PAWR: variants seen among roughly 807,000 people sequenced by gnomAD.
The protein encoded by PAWR is pro-apoptotic WT1 regulator.
Under a neutral mutation model 32.0 loss-of-function variants are expected in PAWR, and 23 were observed. That is an observed-to-expected ratio of 0.72 (90% CI 0.52 to 1.02). The LOEUF (loss-of-function observed/expected upper bound fraction) is 1.02. PAWR is among the 50% of genes least tolerant of loss of function. The pLI, the probability that PAWR is intolerant of heterozygous loss-of-function variation, is 0.00. For missense variants in PAWR, 457 were observed against 437.7 expected (o/e 1.04, Z -0.39); for synonymous variants, 226 against 187.1 (o/e 1.21, Z -1.70).
chr12:79,659,297 G>GA (rs903561912), intron 2 of PAWR, among the ~76,000 whole-genome samples: 100 of 136,012 alleles, frequency 7.4e-4, no homozygotes, highest in Middle Eastern at 3.8e-3. Context: ...CAGTCTCAAA[G>GA]AAAAAAAAAA....
At chr12:79,599,235 G>A (rs1027190631) in intron 4 of PAWR, among the ~76,000 whole-genome samples, 1 of 152,112 alleles carries the variant, frequency 6.6e-6, no homozygotes, top group African/African-American at 2.4e-5. Context: ...GTACACCCTA[G>A]CATCTGATAA....
At chr12:79,683,203 T>C (rs979740224) in intron 2 of PAWR, among the ~76,000 whole-genome samples, 4 of 152,160 alleles carry the variant, frequency 2.6e-5, no homozygotes, top group Non-Finnish European at 4.4e-5. Flanking sequence ...CAGTTTTAAA[T>C]TGGAAGAAAA....
chr12:79,631,324 A>G (rs148396894), intron 2 of PAWR, among the ~76,000 whole-genome samples: 4 of 152,300 alleles, frequency 2.6e-5, no homozygotes, highest in African/African-American at 9.6e-5. Flanking sequence ...AGCCAGGACA[A>G]TAAGGTAAGC....
intron 4 of PAWR, among the ~76,000 whole-genome samples, chr12:79,607,646 C>G (rs950580652): frequency 1.3e-5 from 2 of 151,576 alleles, no homozygotes; most frequent in African/African-American, 4.8e-5. Context: ...GGAGGATCAC[C>G]TGAGCCAGGG....
At position 79,690,235 on chromosome 12, in the gene PAWR, C is replaced by A; in HGVS notation, c.10G>T (p.Gly4Cys). 1 of 1,514,048 alleles carries A rather than the reference C, an allele frequency of 6.6e-7. No individual in the cohort carries two copies. The highest frequency in any genetic ancestry group is 8.8e-7 in the Non-Finnish European group (1 of 1,135,912). The allele number at this position is 1,514,048 out of a possible 1,614,324, so 93.8% of individuals were successfully genotyped here. MAT[G>C]GYRTSSGLGG... ...AGGCCGCTGCTGGTCCGGTAGCCAC[C>A]GGTCGCCATATTCCCAAAGGGGCCG... Residue 4 changes from glycine to cysteine, a missense_variant, in exon 2 of 7, where the codon GGT becomes TGT. Physicochemically the swap from Gly to Cys is radical, Grantham distance 159. Coordinates refer to ENST00000328827, the MANE Select transcript of PAWR (RefSeq NM_002583.4).
chr12:79,659,186 A>G (rs1360727825), intron 2 of PAWR, among the ~76,000 whole-genome samples: 1 of 151,826 alleles, frequency 6.6e-6, no homozygotes, highest in Non-Finnish European at 1.5e-5. Flanking sequence ...AGTCCCAGCT[A>G]CTTGGGCTAA....
intron 6 of PAWR, among the ~76,000 whole-genome samples, chr12:79,593,238 T>C (rs1426168684): frequency 6.6e-6 from 1 of 152,194 alleles, no homozygotes; most frequent in Non-Finnish European, 1.5e-5. Context: ...ATCTGGAGTA[T>C]CTTGATCTGG....
intron 4 of PAWR, among the ~76,000 whole-genome samples, chr12:79,609,373 G>A (rs1874334720): frequency 1.3e-5 from 2 of 152,164 alleles, no homozygotes. Flanking sequence ...AAGTGATAGG[G>A]ACAGGAGGCA....
intron 3 of PAWR, among the ~76,000 whole-genome samples, chr12:79,614,420 T>C (rs1226183872): frequency 2.0e-5 from 3 of 152,246 alleles, no homozygotes; most frequent in South Asian, 2.1e-4. Flanking sequence ...AGACTACATA[T>C]ACAGCTAAAA....
At chr12:79,622,773 C>T (rs1174336770) in intron 2 of PAWR, among the ~76,000 whole-genome samples, 1 of 152,128 alleles carries the variant, frequency 6.6e-6, no homozygotes, top group Non-Finnish European at 1.5e-5. Flanking sequence ...AATTATGATA[C>T]TGTAGCTACT....
Position 79,596,556 on chromosome 12 carries a change from C to T in PAWR, c.786G>A (p.Leu262=). ...TCTTTTCCAGTGTGCTACTTGAAAC[C>T]AGAGTACCTGAAACATTTGCATCCC... ...YNRDANVSGT[L]VSSSTLEKKI... The change falls in exon 5 of 7, where the codon CTG becomes CTA. Residue 262 remains leucine, a synonymous_variant. Transcript: ENST00000328827. 1.3e-6 allele frequency: 2 copies of T among 1,597,372 alleles called. No individual in the cohort carries two copies. The highest frequency in any genetic ancestry group is 1.7e-6 in the Non-Finnish European group (2 of 1,167,236).
intron 4 of PAWR, among the ~76,000 whole-genome samples, chr12:79,606,111 T>G (rs968451512): frequency 6.6e-5 from 10 of 151,986 alleles, no homozygotes; most frequent in Non-Finnish European, 1.0e-4. Context: ...AAGAAAGCCA[T>G]ATACTATATG....
intron 2 of PAWR, among the ~76,000 whole-genome samples, chr12:79,627,094 G>T (rs1282079467): frequency 2.6e-5 from 4 of 152,026 alleles, no homozygotes; most frequent in African/African-American, 9.7e-5. Flanking sequence ...TAATCCTTTG[G>T]GTATATACCC....
intron 2 of PAWR, among the ~76,000 whole-genome samples, chr12:79,682,765 T>C (rs1878504220): frequency 6.6e-6 from 1 of 152,204 alleles, no homozygotes; most frequent in African/African-American, 2.4e-5. Context: ...TATAACACAT[T>C]TGCCTAAGAT....
chr12:79,642,269 A>G (rs751037342), intron 2 of PAWR, among the ~76,000 whole-genome samples: 2 of 152,242 alleles, frequency 1.3e-5, no homozygotes, highest in Non-Finnish European at 2.9e-5. Flanking sequence ...GGAAGAAATC[A>G]AAGACTTGAC....
intron 2 of PAWR, among the ~76,000 whole-genome samples, chr12:79,661,010 G>A: frequency 6.6e-6 from 1 of 151,408 alleles, no homozygotes; most frequent in Admixed American, 6.6e-5. Context: ...ACTCACGCCT[G>A]CAATCCCAGC....
At chr12:79,663,709 ATGAT>A (rs1483408813) in intron 2 of PAWR, among the ~76,000 whole-genome samples, 1 of 152,028 alleles carries the variant, frequency 6.6e-6, no homozygotes, top group Non-Finnish European at 1.5e-5. Context: ...GCAGTGAGCC[ATGAT>A]CTGCACCACT....
rs34039182 is a variant in PAWR at position 79,638,790 on chromosome 12, GGTGT to G, written c.517-17587_517-17584del. On this transcript the variant is annotated intron_variant, in intron 2 of 6. Coordinates refer to ENST00000328827, the MANE Select transcript of PAWR (RefSeq NM_002583.4). The stretch of plus-strand genomic sequence containing the variant: ...GTCCAAATGCTATCATTATATTTGG[GGTGT>G]GTGTGTGTGTGTGTGTGTGTGTGTG... 5.6e-3 allele frequency among the ~76,000 whole-genome samples: 594 copies of G among 105,242 alleles called. 7 individuals are homozygous for G. The highest frequency in any genetic ancestry group is 9.3e-3 in the Admixed American group (85 of 9,126). The allele number at this position is 105,242 out of a possible 152,430, so 69.0% of individuals were successfully genotyped here. A position where few individuals can be genotyped will look rare whatever the true frequency, so the allele number is the denominator to read the frequency against.
intron 2 of PAWR, among the ~76,000 whole-genome samples, chr12:79,642,774 A>G (rs1430456302): frequency 3.9e-5 from 6 of 152,172 alleles, no homozygotes; most frequent in African/African-American, 1.4e-4. Flanking sequence ...AACTTAGTCC[A>G]TTAACAACAT....
Sources: allele counts gnomAD v4.1 joint callset (sites outside exome capture counted in the v4.1 genomes callset), GRCh38; gene constraint gnomAD v4.1.1; transcripts MANE v1.5; gene names NCBI Gene and HGNC (gene_info 2026-07-23, HGNC 2026-07-21).